DRC2: variants seen among roughly 807,000 people sequenced by gnomAD.
The protein encoded by DRC2 is coiled-coil domain containing 65.
chr12:48,916,193 G>A, the DRC2 span, among the ~76,000 whole-genome samples: 1 of 151,786 alleles, frequency 6.6e-6, no homozygotes, highest in Non-Finnish European at 1.5e-5. Context: ...CTTCCCAGAC[G>A]GGGTGGCGGC....
At chr12:48,916,960 T>C in the DRC2 span, 1 of 1,613,294 alleles carries the variant, frequency 6.2e-7, no homozygotes, top group Non-Finnish European at 8.5e-7. Flanking sequence ...CAGTGTCTTG[T>C]CTCCTACAGG....
the DRC2 span, among the ~76,000 whole-genome samples, chr12:48,906,147 C>G: frequency 2.6e-5 from 4 of 152,198 alleles, no homozygotes; most frequent in African/African-American, 9.7e-5. Flanking sequence ...TATTCCCCCT[C>G]TAGAAAACAC....
chr12:48,914,401 T>C, the DRC2 span: 43 of 1,598,596 alleles, frequency 2.7e-5, no homozygotes, highest in African/African-American at 5.4e-4. Flanking sequence ...CTTTCTGGCC[T>C]AGTCTTTAGC....
the DRC2 span, chr12:48,918,370 T>C: frequency 3.7e-6 from 6 of 1,614,184 alleles, no homozygotes; most frequent in Non-Finnish European, 5.1e-6. Flanking sequence ...ATTACACTGA[T>C]GCCACAGAGG....
the DRC2 span, among the ~76,000 whole-genome samples, chr12:48,907,173 C>A: frequency 6.6e-6 from 1 of 152,084 alleles, no homozygotes; most frequent in African/African-American, 2.4e-5. Flanking sequence ...AGAGATTGTG[C>A]CACTGCACTC....
chr12:48,904,941 C>T, the DRC2 span: 4 of 1,582,934 alleles, frequency 2.5e-6, no homozygotes, highest in Non-Finnish European at 3.4e-6. Context: ...TATTCCTTCA[C>T]ACAGGACAAG....
chr12:48,917,791 C>G, the DRC2 span, among the ~76,000 whole-genome samples: 1 of 152,302 alleles, frequency 6.6e-6, no homozygotes, highest in East Asian at 1.9e-4. Context: ...GTCTCCTGCC[C>G]CTTGATCCAA....
chr12:48,918,298 A>C, the DRC2 span: 1 of 1,614,198 alleles, frequency 6.2e-7, no homozygotes, highest in Non-Finnish European at 8.5e-7. Context: ...AGCACTTTCT[A>C]AGACTGCACC....
the DRC2 span, chr12:48,918,235 G>C: frequency 6.3e-7 from 1 of 1,594,452 alleles, no homozygotes; most frequent in Non-Finnish European, 8.6e-7. Context: ...GCACTAATAA[G>C]GTAATTCCAA....
At chr12:48,912,956 T>C in the DRC2 span, among the ~76,000 whole-genome samples, 4 of 151,826 alleles carry the variant, frequency 2.6e-5, no homozygotes, top group African/African-American at 9.7e-5. Context: ...GCCAACATGG[T>C]GAAACCCTGT....
At chr12:48,906,385 C>A in the DRC2 span, among the ~76,000 whole-genome samples, 3 of 151,394 alleles carry the variant, frequency 2.0e-5, no homozygotes, top group Admixed American at 2.0e-4. Flanking sequence ...CTCACTGCAA[C>A]CTCCGCCTCC....
At chr12:48,918,723 C>T in the DRC2 span, 1 of 1,614,038 alleles carries the variant, frequency 6.2e-7, no homozygotes, top group South Asian at 1.1e-5. Flanking sequence ...TCATGATACA[C>T]AGCCGTGAGA....
the DRC2 span, among the ~76,000 whole-genome samples, chr12:48,908,053 C>T: frequency 1.3e-5 from 2 of 152,138 alleles, no homozygotes; most frequent in African/African-American, 2.4e-5. Context: ...AAGTGATCCT[C>T]CCACCTGAGC....
At chr12:48,919,966 A>AG in the DRC2 span, among the ~76,000 whole-genome samples, 7 of 152,024 alleles carry the variant, frequency 4.6e-5, no homozygotes, top group African/African-American at 7.2e-5. Flanking sequence ...ACCAAAAAAA[A>AG]GCTGGGCATA....
the DRC2 span, chr12:48,914,305 G>T: frequency 8.4e-7 from 1 of 1,193,880 alleles, no homozygotes; most frequent in Non-Finnish European, 1.2e-6. Context: ...TCAAAGAATT[G>T]GCATTAGGAA....
At chr12:48,909,037 C>CTTTTT in the DRC2 span, among the ~76,000 whole-genome samples, 47 of 82,364 alleles carry the variant, frequency 5.7e-4, 1 homozygote, top group South Asian at 9.1e-4. Flanking sequence ...TTTTCTTTCT[C>CTTTTT]TTTTTTTTTT....
the DRC2 span, among the ~76,000 whole-genome samples, chr12:48,915,932 C>T: frequency 3.3e-5 from 5 of 151,002 alleles, no homozygotes; most frequent in African/African-American, 7.3e-5. Flanking sequence ...GGGTGGCGGC[C>T]GGGCAGAGGC....
the DRC2 span, among the ~76,000 whole-genome samples, chr12:48,920,751 A>G: frequency 1.3e-5 from 2 of 152,038 alleles, no homozygotes; most frequent in Non-Finnish European, 2.9e-5. Context: ...CAATTTTACA[A>G]TAAGAAAATA....
At chr12:48,920,815 C>A in the DRC2 span, 1 of 859,890 alleles carries the variant, frequency 1.2e-6, no homozygotes, top group Non-Finnish European at 1.8e-6. Flanking sequence ...GTATTTATTG[C>A]TATTGTTTCC....
Sources: gnomAD v4.1 joint callset for allele counts (sites outside exome capture counted in the v4.1 genomes callset) on GRCh38, gnomAD v4.1.1 for gene constraint, MANE v1.5 for transcripts, NCBI Gene and HGNC (gene_info 2026-07-23, HGNC 2026-07-21) for gene names.